Variants in TUB observed in about 807,000 individuals in gnomAD.
TUB encodes the protein tubby protein homolog.
In TUB, 33 loss-of-function variants were observed where a neutral mutation model predicts 59.7. The observed-to-expected ratio is 0.55, with a 90% CI of 0.42 to 0.74. The LOEUF is 0.74. Ranked by LOEUF, TUB falls within the 30% of genes least tolerant of loss-of-function variation. The pLI, the probability that TUB is intolerant of heterozygous loss-of-function variation, is 0.00. For synonymous variants in TUB, 293 were observed against 256.4 expected, an observed-to-expected ratio of 1.14 and a Z score of -1.36; for missense variants, 659 against 672.0, an observed-to-expected ratio of 0.98 and a Z score of 0.21.
At chr11:8,096,904 A>G (rs1944019332) in intron 6 of TUB, 98 bp downstream of exon 6, 1 of 1,410,900 alleles carries the variant, frequency 7.1e-7, no homozygotes. Context: ...TGCCTTTAGG[A>G]GCTTCTCTGC....
At chr11:8,033,864 A>G (rs562715569), upstream of TUB, among the ~76,000 whole-genome samples, 13 of 152,376 alleles carry the variant, frequency 8.5e-5, no homozygotes, top group South Asian at 2.5e-3. Context: ...CACAGAGAGA[A>G]GCTGTCTTGC....
At chr11:8,074,452 A>C (rs1388377368) in intron 2 of TUB, among the ~76,000 whole-genome samples, 1 of 152,132 alleles carries the variant, frequency 6.6e-6, no homozygotes, top group Non-Finnish European at 1.5e-5. Context: ...AAAATTCTCT[A>C]TAAGGCTGGG....
intron 2 of TUB, among the ~76,000 whole-genome samples, chr11:8,059,705 CAG>C (rs1423272941): frequency 2.0e-5 from 3 of 152,034 alleles, no homozygotes; most frequent in African/African-American, 7.2e-5. Flanking sequence ...GGAGAGGGGT[CAG>C]GGGGCAGGTC....
At chr11:8,085,619 G>A (rs186346757) in intron 1 of TUB, among the ~76,000 whole-genome samples, 1 of 152,332 alleles carries the variant, frequency 6.6e-6, no homozygotes, top group Non-Finnish European at 1.5e-5. Flanking sequence ...GGGTCCAGCA[G>A]GGGTAGCTTC....
Position 8,100,499 on chromosome 11 carries a change from C to T in TUB, c.1117-4C>T, listed in dbSNP as rs1473004893. On this transcript the variant is annotated splice_polypyrimidine_tract_variant and splice_region_variant and intron_variant, in intron 9 of 11. Transcript: ENST00000299506. ...GGTGGCCAGTGTTGCGTTCTCTTTC[C>T]CAGGAGACAAACGTCTTAGGCTTCA... 17 of 1,613,704 alleles carry T rather than the reference C, an allele frequency of 1.1e-5. No homozygotes were observed. Among genetic ancestry groups the T allele is most frequent in the Non-Finnish European group, 1.4e-5 (17 of 1,179,748 alleles).
At chr11:8,022,940 A>G (rs1942451259) in intron 1 of TUB, among the ~76,000 whole-genome samples, 1 of 152,076 alleles carries the variant, frequency 6.6e-6, no homozygotes, top group South Asian at 2.1e-4. Flanking sequence ...CAAAAACAAA[A>G]CAACAACAAC....
chr11:8,078,771 C>A (rs1399993490), upstream of TUB, among the ~76,000 whole-genome samples: 1 of 152,036 alleles, frequency 6.6e-6, no homozygotes, highest in African/African-American at 2.4e-5. Context: ...ACTTCCCATG[C>A]ACACACACAC....
intron 2 of TUB, among the ~76,000 whole-genome samples, chr11:8,061,145 C>T (rs573528515): frequency 6.6e-6 from 1 of 152,376 alleles, no homozygotes; most frequent in East Asian, 1.9e-4. Context: ...TGTCCATTGT[C>T]TCTACAAATA....
chr11:8,049,980 T>G (rs1353632221), intron 2 of TUB, among the ~76,000 whole-genome samples: 1 of 152,172 alleles, frequency 6.6e-6, no homozygotes, highest in Non-Finnish European at 1.5e-5. Flanking sequence ...AAGCCCACGT[T>G]GAGCCCTTTT....
exon 2 of TUB, chr11:8,039,662 A>C: frequency 6.5e-7 from 1 of 1,529,952 alleles, no homozygotes; most frequent in Non-Finnish European, 8.8e-7. Context: ...ACCAGGAGGA[A>C]GTACTGGAAG....
At chr11:8,046,667 C>CTA (rs1187218283) in intron 2 of TUB, among the ~76,000 whole-genome samples, 4 of 152,142 alleles carry the variant, frequency 2.6e-5, no homozygotes, top group Non-Finnish European at 5.9e-5. Flanking sequence ...GTCTAAGTGA[C>CTA]TATATAGCAG....
intron 1 of TUB, chr11:8,019,472 GCTTGGGCACCCGGACC>G (rs1942385960): frequency 9.1e-7 from 1 of 1,104,668 alleles, no homozygotes. Flanking sequence ...CCCAGGGTGG[GCTTGGGCACCCGGACC>G]CTCGGGCATC....
At chr11:8,062,768 C>T (rs1438651491) in intron 2 of TUB, among the ~76,000 whole-genome samples, 1 of 152,142 alleles carries the variant, frequency 6.6e-6, no homozygotes, top group Non-Finnish European at 1.5e-5. Context: ...TTTTAGAAAG[C>T]TCCCTGGGTG....
At chr11:8,031,027 A>G (rs1001479612) in intron 1 of TUB, among the ~76,000 whole-genome samples, 18 of 152,188 alleles carry the variant, frequency 1.2e-4, no homozygotes, top group East Asian at 1.9e-4. Context: ...AACAGAGGCA[A>G]TGACGGGTTG....
intron 2 of TUB, among the ~76,000 whole-genome samples, chr11:8,045,540 C>G (rs564273118): frequency 1.3e-5 from 2 of 152,144 alleles, no homozygotes; most frequent in Admixed American, 6.5e-5. Context: ...CCGGAATATC[C>G]GAAACCTGAA....
intron 2 of TUB, among the ~76,000 whole-genome samples, chr11:8,042,411 T>TATTATAATTATAAATTATAAATTATA (rs1942767076): frequency 6.6e-6 from 1 of 152,218 alleles, no homozygotes. Context: ...ACATTTTAGC[T>TATTATAATTATAAATTATAAATTATA]ATTATAAATA....
chr11:8,036,516 A>G (rs963140813), upstream of TUB, among the ~76,000 whole-genome samples: 1 of 152,244 alleles, frequency 6.6e-6, no homozygotes, highest in Non-Finnish European at 1.5e-5. Context: ...CTGAAGAGTC[A>G]TGTTCTGTGG....
intron 2 of TUB, among the ~76,000 whole-genome samples, chr11:8,064,516 A>T (rs1943199313): frequency 6.6e-6 from 1 of 152,168 alleles, no homozygotes; most frequent in African/African-American, 2.4e-5. Context: ...GCTGGGTAAG[A>T]TCAGTAACAT....
At chr11:8,042,049 G>C (rs775532504) in intron 2 of TUB, among the ~76,000 whole-genome samples, 1 of 152,078 alleles carries the variant, frequency 6.6e-6, no homozygotes, top group Admixed American at 6.5e-5. Flanking sequence ...GTTTTAAGTT[G>C]TATGACCATC....
Sources: allele counts gnomAD v4.1 joint callset (sites outside exome capture counted in the v4.1 genomes callset), GRCh38; gene constraint gnomAD v4.1.1; transcripts MANE v1.5; gene names NCBI Gene and HGNC (gene_info 2026-07-23, HGNC 2026-07-21).